The following WWOX variants were observed in gnomAD, a reference collection of about 807,000 sequenced individuals.
The protein encoded by WWOX is WW domain containing oxidoreductase, also known as WW domain-containing oxidoreductase.
WWOX carries 69 observed loss-of-function variants against 46.2 expected under a neutral mutation model. The observed-to-expected ratio is 1.49, with a 90% CI of 1.23 to 1.82. The LOEUF is 1.82. WWOX is among the 40% of genes most tolerant of loss of function. WWOX has a pLI of 0.00. For synonymous variants in WWOX, 359 were observed against 202.6 expected (o/e 1.77, Z -6.56); for missense variants, 919 against 542.6 (o/e 1.69, Z -6.89).
intron 8 of WWOX, among the ~76,000 whole-genome samples, chr16:78,859,030 A>ATATT (rs2052648819): frequency 3.2e-5 from 1 of 30,882 alleles, no homozygotes; most frequent in Non-Finnish European, 7.4e-5. Context: ...AAAAAAAAAT[A>ATATT]TATATATATA....
At chr16:78,317,631 C>T (rs751047403) in intron 5 of WWOX, among the ~76,000 whole-genome samples, 14 of 152,086 alleles carry the variant, frequency 9.2e-5, no homozygotes, top group Non-Finnish European at 1.8e-4. Context: ...TGAGAAAAAT[C>T]TGGTGTTTTT....
intron 8 of WWOX, among the ~76,000 whole-genome samples, chr16:78,907,331 C>T (rs2044991976): frequency 6.6e-6 from 1 of 152,178 alleles, no homozygotes; most frequent in African/African-American, 2.4e-5. Context: ...ACCTTAGGTT[C>T]TACAAAGTGA....
rs559262538 is a variant in WWOX, at chr16:78,534,160, C to A, written c.1056+101408C>A. Among the ~76,000 whole-genome samples the A allele has an allele frequency of 3.3e-5, 5 of 152,244 alleles. No homozygotes were observed. In the East Asian group the frequency reaches 7.7e-4, roughly 24 times the overall value. On this transcript the variant is annotated intron_variant, in intron 8 of 8. Coordinates refer to ENST00000566780, the MANE Select transcript of WWOX (RefSeq NM_016373.4). ...TGGCTACTTTTTAAAGTGTGGACAT[C>A]CTCGATGTATTAGCTATGCATCTGT...
At chr16:78,531,070 TTTTGA>T (rs1205710721) in intron 8 of WWOX, among the ~76,000 whole-genome samples, 11 of 152,330 alleles carry the variant, frequency 7.2e-5, no homozygotes, top group Non-Finnish European at 1.5e-4. Flanking sequence ...GCTGATTACT[TTTTGA>T]TTTGGTTTGG....
At chr16:78,331,238 C>A (rs929307381) in intron 5 of WWOX, among the ~76,000 whole-genome samples, 1 of 152,110 alleles carries the variant, frequency 6.6e-6, no homozygotes, top group Admixed American at 6.5e-5. Context: ...TTCATGCTTG[C>A]GTTTCTTGCA....
intron 1 of WWOX, among the ~76,000 whole-genome samples, chr16:78,102,708 C>G (rs1036487836): frequency 6.6e-6 from 1 of 152,236 alleles, no homozygotes; most frequent in Non-Finnish European, 1.5e-5. Context: ...TCGTGCTTAG[C>G]CTTGGCTGTG....
intron 8 of WWOX, among the ~76,000 whole-genome samples, chr16:79,032,772 A>G (rs996785810): frequency 2.0e-5 from 3 of 151,522 alleles, no homozygotes; most frequent in African/African-American, 4.8e-5. Flanking sequence ...TAAAAAATTT[A>G]TATTTTATTT....
chr16:79,037,277 TC>T (rs2047886366), intron 8 of WWOX, among the ~76,000 whole-genome samples: 3 of 152,188 alleles, frequency 2.0e-5, no homozygotes, highest in African/African-American at 7.2e-5. Context: ...ATGCTTCTTT[TC>T]CTACCCTGCC....
At chr16:78,513,904 C>G (rs868518393) in intron 8 of WWOX, among the ~76,000 whole-genome samples, 7 of 150,142 alleles carry the variant, frequency 4.7e-5, no homozygotes, top group South Asian at 2.2e-4. Context: ...TCCCCCCCCC[C>G]CCACTTGTAT....
chr16:78,741,890 T>A (rs2049236819), intron 8 of WWOX, among the ~76,000 whole-genome samples: 1 of 152,198 alleles, frequency 6.6e-6, no homozygotes, highest in Non-Finnish European at 1.5e-5. Flanking sequence ...AGTAAGATGT[T>A]AAAGTAAATT....
intron 8 of WWOX, among the ~76,000 whole-genome samples, chr16:79,006,802 C>G (rs2047199764): frequency 6.6e-6 from 1 of 152,122 alleles, no homozygotes; most frequent in Non-Finnish European, 1.5e-5. Flanking sequence ...ATCTTCAAAG[C>G]CAACAGCACC....
At chr16:78,502,710 C>G (rs533726829) in intron 8 of WWOX, among the ~76,000 whole-genome samples, 1 of 152,244 alleles carries the variant, frequency 6.6e-6, no homozygotes, top group East Asian at 1.9e-4. Flanking sequence ...GCAGTGATGT[C>G]TATGACACTG....
chr16:79,115,656 T>C (rs2049501528), intron 8 of WWOX, among the ~76,000 whole-genome samples: 1 of 152,190 alleles, frequency 6.6e-6, no homozygotes, highest in Non-Finnish European at 1.5e-5. Flanking sequence ...TTTTCTGAGC[T>C]GGTGATGAGC....
At chr16:78,625,795 A>T (rs2046298246) in intron 8 of WWOX, among the ~76,000 whole-genome samples, 1 of 136,966 alleles carries the variant, frequency 7.3e-6, no homozygotes. Context: ...ACTTAAAAGT[A>T]ATGGCAAAAA....
chr16:78,719,204 C>T (rs1229766173), intron 8 of WWOX, among the ~76,000 whole-genome samples: 9 of 152,188 alleles, frequency 5.9e-5, no homozygotes, highest in Admixed American at 5.9e-4. Context: ...TCAACAGAAA[C>T]AGTCAGTGCA....
intron 4 of WWOX, among the ~76,000 whole-genome samples, chr16:78,149,519 A>C (rs1439371167): frequency 6.6e-6 from 1 of 152,222 alleles, no homozygotes; most frequent in African/African-American, 2.4e-5. Context: ...TACAGCAGGT[A>C]GGTTTATGTA....
At chr16:78,672,889 A>G (rs931569941) in intron 8 of WWOX, among the ~76,000 whole-genome samples, 1 of 152,204 alleles carries the variant, frequency 6.6e-6, no homozygotes, top group East Asian at 1.9e-4. Context: ...AAGTAAAGCA[A>G]TACATCCTGA....
intron 8 of WWOX, among the ~76,000 whole-genome samples, chr16:78,665,000 G>C (rs1316906331): frequency 6.6e-6 from 1 of 152,186 alleles, no homozygotes; most frequent in Non-Finnish European, 1.5e-5. Context: ...AAGAACTGAC[G>C]TTTTCTGTGC....
chr16:78,388,673 A>G (rs918871409), intron 6 of WWOX, among the ~76,000 whole-genome samples: 8 of 103,356 alleles, frequency 7.7e-5, no homozygotes, highest in Non-Finnish European at 1.6e-4. Context: ...AAAAAAAAAA[A>G]AAAAGTTTGT....
Sources: allele counts gnomAD v4.1 joint callset (sites outside exome capture counted in the v4.1 genomes callset), GRCh38; gene constraint gnomAD v4.1.1; transcripts MANE v1.5; gene names NCBI Gene and HGNC (gene_info 2026-07-23, HGNC 2026-07-21).